AFG2A: variants seen among roughly 807,000 people sequenced by gnomAD.
AFG2A encodes ATPase family gene 2 protein homolog A.
At chr4:123,319,131 A>C in the AFG2A span, 2 of 152,202 alleles carry the variant, frequency 1.3e-5, no homozygotes, top group Admixed American at 6.5e-5. Flanking sequence ...TCTTATTTCT[A>C]ATGTGTAAAA....
chr4:123,133,118 G>T, the AFG2A span, among the ~76,000 whole-genome samples: 1 of 152,168 alleles, frequency 6.6e-6, no homozygotes, highest in African/African-American at 2.4e-5. Flanking sequence ...AACCTAAATA[G>T]CAGGCAGAGA....
chr4:122,926,581 G>C, the AFG2A span, among the ~76,000 whole-genome samples: 3 of 151,956 alleles, frequency 2.0e-5, no homozygotes, highest in African/African-American at 7.3e-5. Context: ...AAATCATATG[G>C]GTACCTTATG....
the AFG2A span, among the ~76,000 whole-genome samples, chr4:123,225,737 A>G: frequency 1.3e-5 from 2 of 152,126 alleles, no homozygotes; most frequent in Non-Finnish European, 2.9e-5. Context: ...GTTTTTTCCA[A>G]TTCTGTGAAG....
At chr4:122,924,712 A>G in the AFG2A span, among the ~76,000 whole-genome samples, 1 of 151,918 alleles carries the variant, frequency 6.6e-6, no homozygotes, top group African/African-American at 2.4e-5. Context: ...TCAGATTTAT[A>G]TTTGTAAATC....
chr4:122,957,427 G>C, the AFG2A span, among the ~76,000 whole-genome samples: 1 of 152,140 alleles, frequency 6.6e-6, no homozygotes, highest in African/African-American at 2.4e-5. Flanking sequence ...GAAACAATTG[G>C]GAAACTATAA....
chr4:123,025,889 AC>A, the AFG2A span, among the ~76,000 whole-genome samples: 5 of 152,186 alleles, frequency 3.3e-5, no homozygotes, highest in African/African-American at 1.2e-4. Context: ...AAAGCATGTT[AC>A]TTGACCTAAT....
chr4:123,178,741 A>C, the AFG2A span, among the ~76,000 whole-genome samples: 2 of 152,192 alleles, frequency 1.3e-5, no homozygotes, highest in Non-Finnish European at 2.9e-5. Context: ...ACATTTTCCT[A>C]AAAAATATAT....
At chr4:123,099,664 G>A in the AFG2A span, among the ~76,000 whole-genome samples, 1 of 151,630 alleles carries the variant, frequency 6.6e-6, no homozygotes, top group Admixed American at 6.6e-5. Context: ...CTTATTTCAA[G>A]CATACACCAT....
chr4:123,124,202 A>G, the AFG2A span, among the ~76,000 whole-genome samples: 1,675 of 152,200 alleles, frequency 0.011, 34 homozygotes, highest in South Asian at 0.093. Flanking sequence ...TGTTTATTGC[A>G]GCACTGTTCA....
At chr4:123,158,496 G>A in the AFG2A span, among the ~76,000 whole-genome samples, 1 of 152,158 alleles carries the variant, frequency 6.6e-6, no homozygotes, top group Non-Finnish European at 1.5e-5. Flanking sequence ...TATAACAATA[G>A]TAGAGATGAA....
chr4:123,087,312 G>A, the AFG2A span, among the ~76,000 whole-genome samples: 1 of 152,108 alleles, frequency 6.6e-6, no homozygotes, highest in African/African-American at 2.4e-5. Context: ...CCGTTAGGTG[G>A]GACAGGATGG....
chr4:123,262,143 A>G, the AFG2A span, among the ~76,000 whole-genome samples: 1 of 152,116 alleles, frequency 6.6e-6, no homozygotes, highest in Non-Finnish European at 1.5e-5. Flanking sequence ...GGCAGAGATC[A>G]GTTCTTGTAC....
the AFG2A span, among the ~76,000 whole-genome samples, chr4:123,239,682 C>T: frequency 2.0e-5 from 3 of 152,138 alleles, no homozygotes; most frequent in Non-Finnish European, 2.9e-5. Flanking sequence ...GAAGGAAGCA[C>T]TAAACAAGGA....
chr4:123,200,700 G>T, the AFG2A span, among the ~76,000 whole-genome samples: 1 of 152,210 alleles, frequency 6.6e-6, no homozygotes, highest in Non-Finnish European at 1.5e-5. Flanking sequence ...CAAGCTTGTT[G>T]CATGTTGGCA....
the AFG2A span, among the ~76,000 whole-genome samples, chr4:123,118,198 C>T: frequency 1.3e-5 from 2 of 150,012 alleles, no homozygotes; most frequent in Admixed American, 6.7e-5. Flanking sequence ...GTACCCCAAC[C>T]TTTCCACCTT....
the AFG2A span, among the ~76,000 whole-genome samples, chr4:123,059,613 T>A: frequency 1.3e-5 from 2 of 151,502 alleles, no homozygotes; most frequent in Non-Finnish European, 2.9e-5. Context: ...ACAATAAACA[T>A]ACGTGTGCAT....
At chr4:123,208,241 C>A in the AFG2A span, among the ~76,000 whole-genome samples, 2 of 152,118 alleles carry the variant, frequency 1.3e-5, no homozygotes, top group African/African-American at 4.8e-5. Context: ...TTTTCACATA[C>A]AAAAATTGAA....
chr4:122,977,323 G>A, the AFG2A span, among the ~76,000 whole-genome samples: 1 of 152,198 alleles, frequency 6.6e-6, no homozygotes, highest in African/African-American at 2.4e-5. Context: ...CAGTGAAGGG[G>A]GTGTGAGTGA....
chr4:123,108,833 G>A, the AFG2A span, among the ~76,000 whole-genome samples: 1 of 152,110 alleles, frequency 6.6e-6, no homozygotes, highest in Non-Finnish European at 1.5e-5. Context: ...TAAGAGTTCA[G>A]CCTCTTTAAT....
Sources: gnomAD v4.1 joint callset for allele counts (sites outside exome capture counted in the v4.1 genomes callset) on GRCh38, gnomAD v4.1.1 for gene constraint, MANE v1.5 for transcripts, NCBI Gene and HGNC (gene_info 2026-07-23, HGNC 2026-07-21) for gene names.